Variants in ARHGAP24 observed in about 807,000 individuals in gnomAD.
The protein encoded by ARHGAP24 is Rho GTPase activating protein 24.
Under a neutral mutation model 76.4 loss-of-function variants are expected in ARHGAP24, and 50 were observed. The ratio of observed to expected loss-of-function variants is 0.65; its 90% CI spans 0.52 to 0.83. ARHGAP24 has a LOEUF of 0.83. Among genes scored for constraint, ARHGAP24 ranks in the 40% least tolerant of loss-of-function variants. The pLI, the probability that ARHGAP24 is intolerant of heterozygous loss-of-function variation, is 0.00. For missense variants in ARHGAP24, 930 were observed against 914.2 expected (o/e 1.02, Z -0.22); for synonymous variants, 345 against 323.3 (o/e 1.07, Z -0.72).
intron 2 of ARHGAP24, among the ~76,000 whole-genome samples, chr4:85,628,158 T>C (rs868071028): frequency 5.3e-5 from 8 of 152,190 alleles, no homozygotes; most frequent in South Asian, 4.1e-4. Flanking sequence ...TCACCCATCT[T>C]CTGCGTCGCT....
At chr4:85,931,171 T>G in intron 4 of ARHGAP24, 1 of 935,690 alleles carries the variant, frequency 1.1e-6, no homozygotes, top group Non-Finnish European at 1.6e-6. Flanking sequence ...CAAGAGTGAT[T>G]TGTGCGTATC....
At chr4:85,956,244 G>A (rs1267287299) in intron 5 of ARHGAP24, among the ~76,000 whole-genome samples, 1 of 152,210 alleles carries the variant, frequency 6.6e-6, no homozygotes, top group East Asian at 1.9e-4. Flanking sequence ...CTGAAGTCAA[G>A]GAGAGGGGCT....
intron 3 of ARHGAP24, among the ~76,000 whole-genome samples, chr4:85,901,988 C>T (rs186124524): frequency 8.3e-4 from 127 of 152,192 alleles, no homozygotes; most frequent in Non-Finnish European, 1.5e-3. Context: ...ACTCCACCCC[C>T]CAACAGGCCT....
chr4:85,727,056 T>C (rs1271204618), intron 3 of ARHGAP24, among the ~76,000 whole-genome samples: 8 of 151,846 alleles, frequency 5.3e-5, no homozygotes, highest in Admixed American at 5.2e-4. Context: ...TTCAATAGAA[T>C]ATTAAAACAC....
chr4:85,827,719 T>C (rs1729790464), intron 3 of ARHGAP24: 1 of 339,770 alleles, frequency 2.9e-6, no homozygotes, highest in Non-Finnish European at 5.8e-6. Context: ...TGTGGTCACC[T>C]TGTGGTGACC....
At chr4:85,867,026 T>C (rs773133156) in intron 3 of ARHGAP24, among the ~76,000 whole-genome samples, 1 of 152,124 alleles carries the variant, frequency 6.6e-6, no homozygotes, top group Admixed American at 6.6e-5. Flanking sequence ...TGGTTCTGTA[T>C]GTACTCTATA....
At position 85,995,553 on chromosome 4, in the gene ARHGAP24, T is replaced by C. The variant is rs768667958; in HGVS notation, c.1899T>C (p.Phe633=). The C allele has an allele frequency of 5.0e-6, 8 of 1,612,234 alleles. No homozygotes were observed. The Admixed American group carries it at 1.3e-4, about 27-fold the overall frequency. Residue 633 remains phenylalanine, a synonymous_variant, in exon 9 of 10, where the codon TTT becomes TTC. Coordinates refer to ENST00000395184, the MANE Select transcript of ARHGAP24 (RefSeq NM_001025616.3). ...ATSSSDNSET[F]VGNSSSNHSA... is the part of the protein sequence containing the mutation. ...GTAGCAGTGACAACAGTGAGACATTTGTGGGCAACAGCAGCAGCAACCACA... is the reference window on the plus strand; with the variant it reads ...GTAGCAGTGACAACAGTGAGACATTCGTGGGCAACAGCAGCAGCAACCACA...
intron 5 of ARHGAP24, among the ~76,000 whole-genome samples, chr4:85,949,751 T>C (rs971213764): frequency 6.6e-6 from 1 of 152,228 alleles, no homozygotes; most frequent in Non-Finnish European, 1.5e-5. Context: ...AAGCTGACTC[T>C]ACTTCTTGAT....
At chr4:85,750,964 T>C (rs1006600267) in intron 3 of ARHGAP24, among the ~76,000 whole-genome samples, 6 of 152,172 alleles carry the variant, frequency 3.9e-5, no homozygotes, top group African/African-American at 1.4e-4. Flanking sequence ...ATTTTTAGAA[T>C]ACTACACAAA....
chr4:85,827,912 G>T, intron 3 of ARHGAP24: 1 of 1,289,712 alleles, frequency 7.8e-7, no homozygotes, highest in African/African-American at 1.5e-5. Context: ...CAGCTGCTCT[G>T]TCTCCCAGCT....
chr4:85,702,807 T>C (rs551354453), intron 2 of ARHGAP24, among the ~76,000 whole-genome samples: 1 of 152,290 alleles, frequency 6.6e-6, no homozygotes, highest in East Asian at 1.9e-4. Context: ...TACTCAGTTT[T>C]GAATATTTCA....
chr4:85,494,545 C>A lies in ARHGAP24; in HGVS notation c.-21+18986C>A, dbSNP rs887929555. On this transcript the variant is annotated intron_variant, in intron 1 of 9. Transcript: ENST00000395184. ...ACTAAAAATACAAAAATTAGCTGGG[C>A]GTGGTGGAGCCTGTAGTCTCAGCTA... Among the ~76,000 whole-genome samples, 6 of 151,546 alleles carry A rather than the reference C, an allele frequency of 4.0e-5. No individual in the cohort carries two copies. The East Asian group carries it at 1.2e-3, about 29-fold the overall frequency.
At chr4:85,816,038 C>T (rs960587358) in intron 3 of ARHGAP24, among the ~76,000 whole-genome samples, 1 of 152,156 alleles carries the variant, frequency 6.6e-6, no homozygotes, top group African/African-American at 2.4e-5. Context: ...ACCACGAGAA[C>T]AGCATGGGGG....
rs145863849 is a variant in ARHGAP24 at position 85,683,003 on chromosome 4, T to C, written c.181-38882T>C. Among the ~76,000 whole-genome samples the C allele has an allele frequency of 6.4e-4, 97 of 151,414 alleles. No homozygotes were observed. The East Asian group carries it at 0.011, about 17-fold the overall frequency. On this transcript the variant is annotated intron_variant, in intron 2 of 9. Transcript: ENST00000395184. ...GTACATTACAATAAATGAGGGAAAA[T>C]TATAGATTTCTATACCTATACTGAT...
At chr4:85,990,113 A>T (rs1740235086) in intron 8 of ARHGAP24, 1 of 151,810 alleles carries the variant, frequency 6.6e-6, no homozygotes, top group Admixed American at 6.6e-5. Context: ...CATAAAGCAC[A>T]GTCAATTTAT....
In ARHGAP24 at chr4:86,001,303, C is replaced by T. The variant is rs1464728170; in HGVS notation, c.*581C>T. The T allele has an allele frequency of 2.5e-5, 10 of 398,830 alleles. No individual in the cohort carries two copies. Among genetic ancestry groups the T allele is most frequent in the South Asian group, 1.3e-4 (1 of 7,832 alleles). 24.7% of individuals were successfully genotyped at this position (398,830 alleles called of 1,614,324 possible). A position where few individuals can be genotyped will look rare whatever the true frequency, so the allele number is the denominator to read the frequency against. ...TGTAAATAGTTTTATAAAATACAGTCGAATCACCAGGAACCTTTGAGCTGC... is the reference window on the plus strand; with the variant it reads ...TGTAAATAGTTTTATAAAATACAGTTGAATCACCAGGAACCTTTGAGCTGC... On this transcript the variant is annotated 3_prime_UTR_variant, in exon 10 of 10. Coordinates refer to ENST00000395184, the MANE Select transcript of ARHGAP24 (RefSeq NM_001025616.3).
intron 1 of ARHGAP24, among the ~76,000 whole-genome samples, chr4:85,509,371 T>C (rs1724190437): frequency 6.6e-6 from 1 of 152,068 alleles, no homozygotes; most frequent in Non-Finnish European, 1.5e-5. Context: ...TTTCTAGTAT[T>C]TTATGCATGG....
At chr4:85,794,439 A>G (rs1029245350) in intron 3 of ARHGAP24, among the ~76,000 whole-genome samples, 1 of 152,194 alleles carries the variant, frequency 6.6e-6, no homozygotes, top group African/African-American at 2.4e-5. Context: ...ATTGTATACA[A>G]TGCTTTTTAA....
intron 1 of ARHGAP24, among the ~76,000 whole-genome samples, chr4:85,558,991 T>G (rs190531680): frequency 6.1e-5 from 9 of 147,912 alleles, no homozygotes; most frequent in Admixed American, 5.6e-4. Context: ...TTAAAAGTAG[T>G]GTTTCAGGAA....
Sources: allele counts gnomAD v4.1 joint callset (sites outside exome capture counted in the v4.1 genomes callset), GRCh38; gene constraint gnomAD v4.1.1; transcripts MANE v1.5; gene names NCBI Gene and HGNC (gene_info 2026-07-23, HGNC 2026-07-21).